SV2B: variants seen among roughly 807,000 people sequenced by gnomAD.
SV2B encodes solute carrier family 22 member B2.
Under a neutral mutation model 73.9 loss-of-function variants are expected in SV2B, and 41 were observed. That is an observed-to-expected ratio of 0.56 (90% CI 0.43 to 0.72). The LOEUF (loss-of-function observed/expected upper bound fraction) is 0.72, where lower values mean the gene tolerates loss of function less well. Ranked by LOEUF, SV2B falls within the 30% of genes least tolerant of loss-of-function variation. The pLI is 0.00. For synonymous variants in SV2B, 314 were observed against 314.2 expected, an observed-to-expected ratio of 1.00 and a Z score of 0.01; for missense variants, 764 against 857.8, an observed-to-expected ratio of 0.89 and a Z score of 1.37.
chr15:91,281,001 A>T lies in SV2B; in HGVS notation c.1374-727A>T, dbSNP rs1024637369. ...GATTATTCCATATTAACACATATAGATCTACCTCATTTACTACGATGGCTA... is the reference window on the plus strand; with the variant it reads ...GATTATTCCATATTAACACATATAGTTCTACCTCATTTACTACGATGGCTA... On this transcript the variant is annotated intron_variant, in intron 9 of 12. Coordinates refer to ENST00000394232, the MANE Select transcript of SV2B (RefSeq NM_001323032.3). This position sits in a 1 kb window ranked among gnomAD's most constrained non-coding sequence, Gnocchi z 4.7. Among the ~76,000 whole-genome samples the T allele has an allele frequency of 1.3e-5, 2 of 152,214 alleles. No individual in the cohort carries two copies. The highest frequency in any genetic ancestry group is 4.8e-5 in the African/African-American group (2 of 41,458).
chr15:91,177,006 A>G (rs1196151767), intron 1 of SV2B, among the ~76,000 whole-genome samples: 201 of 151,576 alleles, frequency 1.3e-3, no homozygotes, highest in African/African-American at 4.6e-3. Flanking sequence ...GTTTTCTTCT[A>G]GGGTTTTTAT....
chr15:91,182,985 A>C (rs2044639876), intron 1 of SV2B, among the ~76,000 whole-genome samples: 1 of 152,204 alleles, frequency 6.6e-6, no homozygotes, highest in Admixed American at 6.5e-5. Context: ...GTTATGTGCC[A>C]GGAGCCAAGA....
rs571086298 is a variant in SV2B, at chr15:91,299,135, A to G, written c.*6583A>G. On this transcript the variant is annotated 3_prime_UTR_variant, in exon 13 of 13. Transcript: ENST00000394232. ...ACACACACACATTATGTTATACACC[A>G]TAAATATATAGAAGTTTTACTTGTC... 4.6e-5 allele frequency: 7 copies of G among 152,320 alleles called. No homozygotes were observed. Among genetic ancestry groups the G allele is most frequent in the African/African-American group, 1.4e-4 (6 of 41,578 alleles). The allele number at this position is 152,320 out of a possible 1,614,324, so 9.4% of individuals were successfully genotyped here.
intron 1 of SV2B, among the ~76,000 whole-genome samples, chr15:91,133,570 G>T (rs1567278363): frequency 6.6e-6 from 1 of 152,104 alleles, no homozygotes; most frequent in Non-Finnish European, 1.5e-5. Flanking sequence ...TGAGCCCTGT[G>T]AGGGTCTGCA....
rs2048785812 is a variant in SV2B, at chr15:91,284,262, G to C, written c.1708+41G>C. The C allele has an allele frequency of 6.2e-7, 1 of 1,604,488 alleles. No homozygotes were observed. The highest frequency in any genetic ancestry group is 8.5e-7 in the Non-Finnish European group (1 of 1,172,208). ...GGTCATTCCTGGGTTCCAACGCGCT[G>C]GGGTGGTGACTTTCAAGTGTATTAA... On this transcript the variant is annotated intron_variant, in intron 11 of 12. Transcript: ENST00000394232. This position sits in a 1 kb window ranked among gnomAD's most constrained non-coding sequence, Gnocchi z 4.5.
intron 1 of SV2B, among the ~76,000 whole-genome samples, chr15:91,210,050 G>T (rs754442625): frequency 1.3e-5 from 2 of 152,122 alleles, no homozygotes; most frequent in African/African-American, 2.4e-5. Flanking sequence ...AGTGGGGCTT[G>T]TGAGTGTCCA....
chr15:91,287,196 T>C (rs1252485755), intron 11 of SV2B, among the ~76,000 whole-genome samples: 1 of 152,174 alleles, frequency 6.6e-6, no homozygotes, highest in East Asian at 1.9e-4. Flanking sequence ...CATTTCCTAG[T>C]TCATCAGCAA....
chr15:91,138,690 T>C (rs2141179324), intron 1 of SV2B, among the ~76,000 whole-genome samples: 2 of 152,316 alleles, frequency 1.3e-5, no homozygotes, highest in Middle Eastern at 3.4e-3. Context: ...TTGTAAGTAA[T>C]CTAAAGATGA....
At chr15:91,135,736 A>C (rs1350880250) in intron 1 of SV2B, among the ~76,000 whole-genome samples, 1 of 152,190 alleles carries the variant, frequency 6.6e-6, no homozygotes, top group Admixed American at 6.5e-5. Flanking sequence ...TGCTTTGCCT[A>C]CTTACTTATT....
At chr15:91,152,069 C>CTTTTT (rs1295411670) in intron 1 of SV2B, among the ~76,000 whole-genome samples, 1 of 103,408 alleles carries the variant, frequency 9.7e-6, no homozygotes, top group African/African-American at 4.2e-5. Context: ...TTAATTTTTA[C>CTTTTT]TCTTTTTTTT....
chr15:91,228,824 T>G (rs2046467442), intron 2 of SV2B, among the ~76,000 whole-genome samples: 1 of 152,158 alleles, frequency 6.6e-6, no homozygotes, highest in Non-Finnish European at 1.5e-5. Context: ...AGAAAATGAG[T>G]GTCTAAATGG....
chr15:91,185,050 C>T (rs1220370093), intron 1 of SV2B, among the ~76,000 whole-genome samples: 1 of 152,210 alleles, frequency 6.6e-6, no homozygotes, highest in African/African-American at 2.4e-5. Context: ...GATGTTCTGT[C>T]CATCCAATTG....
rs201034937 is a variant in SV2B at position 91,212,818 on chromosome 15, GA to G, written c.-391-13048del. On this transcript the variant is annotated intron_variant, in intron 1 of 12. Transcript: ENST00000394232. ...AAAAATTTTTAAAAAATAAGAAAAA[GA>G]AAAAAATATTTTAAAAAAGAAAGTG... 0.011 allele frequency among the ~76,000 whole-genome samples: 1,627 copies of G among 151,340 alleles called. 42 individuals carry two copies. The East Asian group carries it at 0.12, about 11-fold the overall frequency.
chr15:91,199,624 C>T (rs1275114012), intron 1 of SV2B, among the ~76,000 whole-genome samples: 1 of 152,184 alleles, frequency 6.6e-6, no homozygotes, highest in Non-Finnish European at 1.5e-5. Context: ...CATTTGTTCC[C>T]AGGCCTGTCG....
chr15:91,104,599 A>G (rs1275353742), intron 1 of SV2B, among the ~76,000 whole-genome samples: 2 of 152,188 alleles, frequency 1.3e-5, no homozygotes, highest in African/African-American at 2.4e-5. Flanking sequence ...TTTTGCAATC[A>G]ATCAATCAAT....
intron 1 of SV2B, among the ~76,000 whole-genome samples, chr15:91,173,618 C>T (rs1271665646): frequency 1.1e-4 from 16 of 152,200 alleles, no homozygotes; most frequent in Non-Finnish European, 2.1e-4. Context: ...ACTTACCCAT[C>T]CTGTGTCCAC....
At position 91,140,501 on chromosome 15, in the gene SV2B, C is replaced by A. The variant is rs17515963; in HGVS notation, c.-392+40138C>A. Reference sequence around the variant, plus strand: ...AATTCGTGGAGTTCCTCCAAATGAACTTCCCACACACTTCTGGCTGAAACT... The same window carrying A: ...AATTCGTGGAGTTCCTCCAAATGAAATTCCCACACACTTCTGGCTGAAACT... On this transcript the variant is annotated intron_variant, in intron 1 of 12. Coordinates refer to ENST00000394232, the MANE Select transcript of SV2B (RefSeq NM_001323032.3). This position sits in a 1 kb window ranked among gnomAD's most constrained non-coding sequence, Gnocchi z 4.4. Among the ~76,000 whole-genome samples the A allele has an allele frequency of 5.3e-3, 812 of 152,208 alleles. 7 individuals carry two copies. Among genetic ancestry groups the A allele is most frequent in the African/African-American group, 0.019 (789 of 41,538 alleles).
chr15:91,188,300 T>C (rs1331856463), intron 1 of SV2B, among the ~76,000 whole-genome samples: 5 of 60,700 alleles, frequency 8.2e-5, no homozygotes, highest in Admixed American at 3.7e-4. Context: ...TATTTATTTA[T>C]TTATTTATTT....
chr15:91,134,004 CTT>C (rs10637206), intron 1 of SV2B, among the ~76,000 whole-genome samples: 1 of 106,222 alleles, frequency 9.4e-6, no homozygotes, highest in Non-Finnish European at 1.8e-5. Context: ...TTCTTTCTTC[CTT>C]TTTTTTTTTT....
Sources: allele counts gnomAD v4.1 joint callset (sites outside exome capture counted in the v4.1 genomes callset), GRCh38; gene constraint gnomAD v4.1.1; non-coding constraint Gnocchi (gnomAD v3.1); transcripts MANE v1.5; gene names NCBI Gene and HGNC (gene_info 2026-07-23, HGNC 2026-07-21).